The following RESP18 variants were observed in gnomAD, a reference collection of about 807,000 sequenced individuals.
RESP18 encodes regulated endocrine specific protein 18.
Under a neutral mutation model 30.0 loss-of-function variants are expected in RESP18, and 30 were observed. That is an observed-to-expected ratio of 1.00 (90% confidence interval 0.75 to 1.36). The LOEUF (loss-of-function observed/expected upper bound fraction) is 1.36, where lower values mean the gene tolerates loss of function less well. RESP18 is among the 40% of genes most tolerant of loss of function. The pLI is 0.00. For missense variants in RESP18, 320 were observed against 284.2 expected (o/e 1.13, Z -0.91); for synonymous variants, 117 against 111.2 (o/e 1.05, Z -0.33).
chr2:219,331,038 C>A, intron 2 of RESP18, 163 bp from the exon 2 acceptor site: 1 of 580,240 alleles, frequency 1.7e-6, no homozygotes, highest in African/African-American at 1.9e-5. Context: ...TTTTCCCTTC[C>A]TCCATCACCA....
Position 219,329,676 on chromosome 2 carries a change from C to G in RESP18, c.426G>C (p.Leu142=). ...TGGGGAAAAGTGCCTTCCCATCCTT[C>G]AGGCATGGTTCTTGGGGATGCAGTC... is the stretch of plus-strand genomic sequence containing the variant. The change falls in exon 4 of 7, where the codon CTG becomes CTC. Residue 142 remains leucine, a synonymous_variant. Transcript: ENST00000333527. The G allele has an allele frequency of 6.4e-7, 1 of 1,551,654 alleles. No individual in the cohort carries two copies. Among genetic ancestry groups the G allele is most frequent in the Non-Finnish European group, 8.7e-7 (1 of 1,147,006 alleles).
chr2:219,327,563 C>T lies in RESP18; in HGVS notation c.641G>A (p.Arg214Gln), dbSNP rs1483506143. Residue 214 changes from arginine to glutamine, a missense_variant and splice_region_variant, in exon 7 of 7, where the codon CGG becomes CAG. Transcript: ENST00000333527. ...ACAGTAGGAAGTGGCCCAGAGAAGCCCTAAAACAAGAAGAAACAAGGGAGC... is the reference window on the plus strand; with the variant it reads ...ACAGTAGGAAGTGGCCCAGAGAAGCTCTAAAACAAGAAGAAACAAGGGAGC... 6.4e-7 allele frequency: 1 copy of T among 1,551,420 alleles called. No individual in the cohort carries two copies. Among genetic ancestry groups the T allele is most frequent in the East Asian group, 2.4e-5 (1 of 40,912 alleles).
rs968518361 is a variant in RESP18, at chr2:219,330,804, A to G, written c.304T>C (p.Leu102=). ...ATAATCTGCTGGAGCACAACCTGTA[A>G]ATGCTGGAAGACTGGGGTGGCAAAT... is the stretch of plus-strand genomic sequence containing the variant. The change falls in exon 3 of 7, where the codon TTA becomes CTA. Residue 102 remains leucine, a synonymous_variant. Coordinates refer to ENST00000333527, the MANE Select transcript of RESP18 (RefSeq NM_001007089.4). 5.2e-6 allele frequency: 8 copies of G among 1,551,202 alleles called. No homozygotes were observed. The highest frequency in any genetic ancestry group is 7.0e-6 in the Non-Finnish European group (8 of 1,146,788).
At chr2:219,332,452 G>GC (rs1952841023) in intron 2 of RESP18, 72 bp downstream of exon 1, 2 of 1,141,330 alleles carry the variant, frequency 1.8e-6, no homozygotes, top group South Asian at 2.9e-5. Context: ...TAGCCTTGAG[G>GC]CCCCCTGCAG....
intron 2 of RESP18, chr2:219,331,291 T>C (rs58269809): frequency 0.2 from 31,157 of 159,592 alleles, 3,873 homozygotes; most frequent in African/African-American, 0.33. Flanking sequence ...AAGGTATTGG[T>C]TTGTTTAGGG....
chr2:219,330,779 A>G lies in RESP18; in HGVS notation c.329T>C (p.Ile110Thr). The change falls in exon 3 of 7, where the codon ATA becomes ACA. Residue 110 changes from isoleucine (I) to threonine (T), a missense_variant. Coordinates refer to ENST00000333527, the MANE Select transcript of RESP18 (RefSeq NM_001007089.4). Reference sequence around the variant, plus strand: ...CTCCAGCTTTTACTTACCTTGGGGTATAATCTGCTGGAGCACAACCTGTAA... The same window carrying G: ...CTCCAGCTTTTACTTACCTTGGGGTGTAATCTGCTGGAGCACAACCTGTAA... 1 of 1,548,866 alleles carries G rather than the reference A, an allele frequency of 6.5e-7. No homozygotes were observed.
chr2:219,332,026 G>C (rs1002676646), intron 2 of RESP18, among the ~76,000 whole-genome samples: 1 of 152,172 alleles, frequency 6.6e-6, no homozygotes, highest in Non-Finnish European at 1.5e-5. Flanking sequence ...AGTCAGCGCG[G>C]GGTCTACGCG....
chr2:219,330,408 C>T (rs1189946765), intron 3 of RESP18, among the ~76,000 whole-genome samples: 1 of 152,204 alleles, frequency 6.6e-6, no homozygotes, highest in Non-Finnish European at 1.5e-5. Flanking sequence ...ATTTCCTACT[C>T]AGAGGCTGAA....
intron 3 of RESP18, among the ~76,000 whole-genome samples, chr2:219,329,997 T>C (rs1048544017): frequency 2.0e-5 from 3 of 152,172 alleles, no homozygotes; most frequent in Non-Finnish European, 2.9e-5. Context: ...TTAAATGAGG[T>C]TAGGAATATA....
chr2:219,329,045 G>A, intron 5 of RESP18, 37 bp from the exon 5 acceptor site: 3 of 1,511,922 alleles, frequency 2.0e-6, no homozygotes, highest in African/African-American at 1.4e-5. Context: ...CCTTTGATTA[G>A]GAATGGAAAA....
At chr2:219,333,151 T>C in intron 1 of RESP18, 1 of 1,525,600 alleles carries the variant, frequency 6.6e-7, no homozygotes. Flanking sequence ...GGCACATCCA[T>C]CCACTTTACT....
intron 1 of RESP18, chr2:219,333,106 T>C: frequency 8.0e-7 from 1 of 1,247,896 alleles, no homozygotes; most frequent in East Asian, 2.9e-5. Flanking sequence ...CTGCTATATA[T>C]ATATATATAA....
intron 6 of RESP18, 48 bp from the exon 6 acceptor site, chr2:219,327,611 G>A (rs1361419349): frequency 1.4e-6 from 2 of 1,472,514 alleles, no homozygotes; most frequent in Non-Finnish European, 1.9e-6. Context: ...GTGAGACAGT[G>A]GCTCCTCCCT....
At position 219,329,022 on chromosome 2, in the gene RESP18, G is replaced by A. The variant is rs546803491; in HGVS notation, c.556-14C>T. ...CCTATAGGTAATCTGAGAGATACAG[G>A]AAATTAGAAGTACCTTTGATTAGGA... On this transcript the variant is annotated splice_polypyrimidine_tract_variant and intron_variant, in intron 5 of 6. Transcript: ENST00000333527. The A allele has an allele frequency of 7.1e-6, 11 of 1,538,874 alleles. No homozygotes were observed. In the South Asian group the frequency reaches 9.6e-5, roughly 13 times the overall value.
chr2:219,329,322 T>C lies in RESP18; in HGVS notation c.466-70A>G, dbSNP rs190584766. ...TGAGAGGGCCCCACAGGAAAAGCAA[T>C]TGGATACAAAGTCAGGGATTCACAA... On this transcript the variant is annotated intron_variant, in intron 4 of 6. Transcript: ENST00000333527. 1.6e-4 allele frequency: 247 copies of C among 1,551,722 alleles called. 1 individual carries two copies. The African/African-American group carries it at 2.3e-3, about 15-fold the overall frequency.
At chr2:219,329,588 G>A (rs769899903) in intron 4 of RESP18, 49 bp downstream of exon 3, 29 of 1,547,788 alleles carry the variant, frequency 1.9e-5, no homozygotes, top group Middle Eastern at 1.8e-4. Context: ...TCCCTGTTCC[G>A]TCTGTCTGCC....
At chr2:219,333,115 A>C (rs1559316946) in intron 1 of RESP18, 1 of 1,022,898 alleles carries the variant, frequency 9.8e-7, no homozygotes, top group East Asian at 3.5e-5. Flanking sequence ...ATATATATAT[A>C]ATATTATATA....
chr2:219,332,118 C>T (rs2125108828), intron 2 of RESP18, among the ~76,000 whole-genome samples: 1 of 152,300 alleles, frequency 6.6e-6, no homozygotes, highest in East Asian at 1.9e-4. Flanking sequence ...TATTGGAAAC[C>T]GGATCACAGC....
At chr2:219,329,870 A>G (rs1387886992) in intron 3 of RESP18, 106 bp from the exon 3 acceptor site, 2 of 1,158,908 alleles carry the variant, frequency 1.7e-6, no homozygotes, top group African/African-American at 3.1e-5. Flanking sequence ...TACATTTTAC[A>G]GAGAATTAAA....
Sources: gnomAD v4.1 joint callset for allele counts (sites outside exome capture counted in the v4.1 genomes callset) on GRCh38, gnomAD v4.1.1 for gene constraint, MANE v1.5 for transcripts, NCBI Gene and HGNC (gene_info 2026-07-23, HGNC 2026-07-21) for gene names.